Variants in CEACAM19 observed in about 807,000 individuals in gnomAD.
CEACAM19 encodes CEA cell adhesion molecule 19.
In CEACAM19, 37 loss-of-function variants were observed where a neutral mutation model predicts 37.6. The observed-to-expected ratio is 0.98, with a 90% CI of 0.76 to 1.29. CEACAM19 has a LOEUF of 1.29. Ranked by LOEUF, CEACAM19 falls within the 50% of genes most tolerant of loss-of-function variation. The probability of loss-of-function intolerance (pLI) is 0.00; values close to 1 mark genes in which losing one functional copy is unlikely to be tolerated. For synonymous variants in CEACAM19, 140 were observed against 149.8 expected (o/e 0.93, Z 0.48); for missense variants, 340 against 375.6 (o/e 0.91, Z 0.78).
At chr19:44,667,794 A>G (rs1451537513), upstream of CEACAM19, among the ~76,000 whole-genome samples, 2 of 72,292 alleles carry the variant, frequency 2.8e-5, no homozygotes, top group Non-Finnish European at 4.6e-5. Flanking sequence ...AAATATATAT[A>G]AATTATATAA....
upstream of CEACAM19, among the ~76,000 whole-genome samples, chr19:44,668,523 A>ATAT (rs1568512942): frequency 9.6e-5 from 4 of 41,874 alleles, 1 homozygote; most frequent in African/African-American, 3.6e-4. Flanking sequence ...GTTATAATAT[A>ATAT]AATATATAAT....
Position 44,671,835 on chromosome 19 carries a change from C to A in CEACAM19, c.-97C>A. On this transcript the variant is annotated 5_prime_UTR_variant, in exon 1 of 8. Transcript: ENST00000358777. ...GTGTCTCTAAGGCACCCCTGGGATC[C>A]CCACTGAGCTGGCCTACTTCAGACA... 9.5e-7 allele frequency: 1 copy of A among 1,054,714 alleles called. No individual in the cohort carries two copies. Among genetic ancestry groups the A allele is most frequent in the Non-Finnish European group, 1.4e-6 (1 of 705,824 alleles). The allele number at this position is 1,054,714 out of a possible 1,614,324, so 65.3% of individuals were successfully genotyped here.
chr19:44,668,746 TA>T (rs1248360089), upstream of CEACAM19, among the ~76,000 whole-genome samples: 66 of 103,392 alleles, frequency 6.4e-4, 4 homozygotes, highest in African/African-American at 3.0e-3. Context: ...ATATATAATA[TA>T]ATATAATATA....
At chr19:44,671,279 G>C (rs1010630784), upstream of CEACAM19, 1 of 158,406 alleles carries the variant, frequency 6.3e-6, no homozygotes, top group Admixed American at 6.5e-5. Context: ...CCACCACCAC[G>C]CCTGACTAAC....
At chr19:44,680,400 C>A in intron 5 of CEACAM19, 66 bp downstream of exon 5, 1 of 1,411,044 alleles carries the variant, frequency 7.1e-7, no homozygotes, top group Non-Finnish European at 9.9e-7. Flanking sequence ...TCCCCTATAG[C>A]CACAAGCCCG....
chr19:44,666,624 C>T (rs1042983718), upstream of CEACAM19, among the ~76,000 whole-genome samples: 1 of 152,086 alleles, frequency 6.6e-6, no homozygotes, highest in Non-Finnish European at 1.5e-5. Flanking sequence ...GAGCTGAGAT[C>T]GTGCCACTGC....
chr19:44,672,444 C>A, intron 1 of CEACAM19, 152 bp from the exon 2 acceptor site: 1 of 842,900 alleles, frequency 1.2e-6, no homozygotes, highest in Non-Finnish European at 1.7e-6. Flanking sequence ...CTCCTGCACC[C>A]AGGGCAGACA....
chr19:44,679,735 C>T (rs1437292583), intron 4 of CEACAM19, among the ~76,000 whole-genome samples: 3 of 150,720 alleles, frequency 2.0e-5, no homozygotes, highest in East Asian at 3.9e-4. Flanking sequence ...GGCGACAGAG[C>T]GAGACTCTGT....
chr19:44,670,440 C>T (rs575654977), upstream of CEACAM19, among the ~76,000 whole-genome samples: 46 of 151,854 alleles, frequency 3.0e-4, no homozygotes, highest in Non-Finnish European at 5.7e-4. Context: ...TTTGGGAGGC[C>T]GAGGCAGGAG....
At chr19:44,682,524 G>T in intron 6 of CEACAM19, 43 bp from the exon 7 acceptor site, 1 of 1,542,780 alleles carries the variant, frequency 6.5e-7, no homozygotes, top group African/African-American at 1.4e-5. Flanking sequence ...TTTAGAGGGT[G>T]GGGGGTGCCG....
chr19:44,671,986 G>A lies in CEACAM19; in HGVS notation c.55G>A (p.Ala19Thr), dbSNP rs1043614534. ...GCFSKSLLLS[A>T]SILVLWMLQG... ...CTTCTCAAAGAGCCTCCTGCTCTCA[G>A]GTAAGGAGGAAATAGACCCTAAAGG... Residue 19 changes from alanine to threonine, a missense_variant and splice_region_variant, in exon 1 of 8, where the codon GCC (alanine) becomes ACC (threonine). Coordinates refer to ENST00000358777, the MANE Select transcript of CEACAM19 (RefSeq NM_001127893.3). 8 of 1,603,034 alleles carry A rather than the reference G, an allele frequency of 5.0e-6. No homozygotes were observed. Among genetic ancestry groups the A allele is most frequent in the Admixed American group, 1.7e-5 (1 of 58,944 alleles).
At chr19:44,672,364 G>A (rs1973869928) in intron 1 of CEACAM19, 4 of 466,146 alleles carry the variant, frequency 8.6e-6, no homozygotes, top group Non-Finnish European at 1.5e-5. Context: ...AGGCCACACA[G>A]CATCTCAAGG....
upstream of CEACAM19, among the ~76,000 whole-genome samples, chr19:44,671,125 C>T (rs1973848220): frequency 7.0e-6 from 1 of 143,268 alleles, no homozygotes; most frequent in Admixed American, 7.0e-5. Context: ...AGGCTAAGAG[C>T]TTTTTTTTTT....
At chr19:44,681,010 CTG>C (rs1430814416) in intron 5 of CEACAM19, among the ~76,000 whole-genome samples, 2 of 150,672 alleles carry the variant, frequency 1.3e-5, no homozygotes, top group East Asian at 4.0e-4. Context: ...GGTTGTCACT[CTG>C]GAGACTGGTC....
chr19:44,671,828 T>G lies in CEACAM19; in HGVS notation c.-104T>G, dbSNP rs1414310672. ...CCCAGCGGTGTCTCTAAGGCACCCC[T>G]GGGATCCCCACTGAGCTGGCCTACT... On this transcript the variant is annotated 5_prime_UTR_variant, in exon 1 of 8. Transcript: ENST00000358777. 3 of 990,132 alleles carry G rather than the reference T, an allele frequency of 3.0e-6. No individual in the cohort carries two copies. In the East Asian group the frequency reaches 7.8e-5, roughly 26 times the overall value. The allele number at this position is 990,132 out of a possible 1,614,324, so 61.3% of individuals were successfully genotyped here. A position where few individuals can be genotyped will look rare whatever the true frequency, so the allele number is the denominator to read the frequency against.
At chr19:44,683,055 A>ACTCTCTCT (rs3028346) in intron 7 of CEACAM19, 31 of 150,952 alleles carry the variant, frequency 2.1e-4, no homozygotes, top group African/African-American at 7.9e-4. Flanking sequence ...CCTTTCTTGG[A>ACTCTCTCT]CTCTCTCTCT....
Position 44,676,424 on chromosome 19 carries a change from AC to A in CEACAM19, c.575+4del. ...AACTGGAGGGGCCAGAGCCACAGGTACAGGGTCCCCAAGTGTCCCTCTCCTG... is the reference window on the plus strand; with the variant it reads ...AACTGGAGGGGCCAGAGCCACAGGTAAGGGTCCCCAAGTGTCCCTCTCCTG... On this transcript the variant is annotated splice_donor_region_variant and intron_variant, in intron 3 of 7. Transcript: ENST00000358777. 6.2e-7 allele frequency: 1 copy of A among 1,614,020 alleles called. No individual in the cohort carries two copies.
At position 44,676,365 on chromosome 19, in the gene CEACAM19, C is replaced by T. The variant is rs1282584651; in HGVS notation, c.519C>T (p.Leu173=). ...IIGSLAAGAL[L]ISCIAYLLVT... ...GATCTCTTGCTGCCGGGGCCCTTCTCATCAGCTGCATTGCCTATCTCCTGG... is the reference window on the plus strand; with the variant it reads ...GATCTCTTGCTGCCGGGGCCCTTCTTATCAGCTGCATTGCCTATCTCCTGG... Residue 173 remains leucine (L), a synonymous_variant, in exon 3 of 8, where the codon CTC becomes CTT. Transcript: ENST00000358777. 3.1e-6 allele frequency: 5 copies of T among 1,614,152 alleles called. No homozygotes were observed. Among genetic ancestry groups the T allele is most frequent in the Non-Finnish European group, 4.2e-6 (5 of 1,180,026 alleles).
chr19:44,682,417 T>G lies in CEACAM19; in HGVS notation c.793-150T>G, dbSNP rs1599794044. The G allele has an allele frequency of 4.1e-6, 3 of 726,920 alleles. No individual in the cohort carries two copies. In the East Asian group the frequency reaches 8.6e-5, roughly 21 times the overall value. The allele number at this position is 726,920 out of a possible 1,614,324, so 45.0% of individuals were successfully genotyped here. On this transcript the variant is annotated intron_variant, in intron 6 of 7. Coordinates refer to ENST00000358777, the MANE Select transcript of CEACAM19 (RefSeq NM_001127893.3). ...CATTTGTCAGAGGAGAACACTGAGGTGTAAGGAAGCTAATCCCCTCTGCCC... is the reference window on the plus strand; with the variant it reads ...CATTTGTCAGAGGAGAACACTGAGGGGTAAGGAAGCTAATCCCCTCTGCCC...
Sources: allele counts gnomAD v4.1 joint callset (sites outside exome capture counted in the v4.1 genomes callset), GRCh38; gene constraint gnomAD v4.1.1; transcripts MANE v1.5; gene names NCBI Gene and HGNC (gene_info 2026-07-23, HGNC 2026-07-21).